Variants in ARHGAP39 observed in about 807,000 individuals in gnomAD.
ARHGAP39 encodes the protein Rho GTPase activating protein 39, also known as rho GTPase-activating protein 39.
ARHGAP39 carries 44 observed loss-of-function variants against 106.9 expected under a neutral mutation model. That is an observed-to-expected ratio of 0.41 (90% CI 0.32 to 0.53). ARHGAP39 has a LOEUF of 0.53. ARHGAP39 is among the 20% of genes least tolerant of loss of function. The pLI is 0.21. For missense variants in ARHGAP39, 1,496 were observed against 1,577.3 expected, an observed-to-expected ratio of 0.95 and a Z score of 0.87; for synonymous variants, 768 against 693.2, an observed-to-expected ratio of 1.11 and a Z score of -1.69.
At position 144,548,604 on chromosome 8, in the gene ARHGAP39, C is replaced by G. The variant is rs1817577246; in HGVS notation, c.597-115G>C. 1 of 1,364,846 alleles carries G rather than the reference C, an allele frequency of 7.3e-7. No homozygotes were observed. The highest frequency in any genetic ancestry group is 1.5e-5 in the South Asian group (1 of 67,762). The allele number at this position is 1,364,846 out of a possible 1,614,324, so 84.5% of individuals were successfully genotyped here. ...CGCGAACCCTCTGTTGTACACCTTC[C>G]TCGCTGGGGCCCTGTGGCCTGGCGC... On this transcript the variant is annotated intron_variant, in intron 4 of 11. Coordinates refer to ENST00000377307, the MANE Select transcript of ARHGAP39 (RefSeq NM_025251.3). This position sits in a 1 kb window ranked among gnomAD's most constrained non-coding sequence, Gnocchi z 7.4.
At position 144,530,581 on chromosome 8, in the gene ARHGAP39, C is replaced by T. The variant is rs1816641383; in HGVS notation, c.3186G>A (p.Lys1062=). 1.3e-6 allele frequency: 2 copies of T among 1,597,752 alleles called. No individual in the cohort carries two copies. The highest frequency in any genetic ancestry group is 1.7e-6 in the Non-Finnish European group (2 of 1,172,368). ...FVQPANVAVT[K]MDVSNLAMVM... ...CCATGGCCAGGTTGCTGACATCCAT[C>T]TTGGTGACCGCGACGTTGGCCGGCT... is the stretch of plus-strand genomic sequence containing the variant. Residue 1062 remains lysine, a synonymous_variant, in exon 12 of 12, where the codon AAG becomes AAA. Transcript: ENST00000377307.
rs34562243 is a variant in ARHGAP39 at position 144,545,881 on chromosome 8, AG to A, written c.1960-72del. 13,635 of 1,342,348 alleles carry A rather than the reference AG, an allele frequency of 0.01. 1,078 individuals carry two copies. In the African/African-American group the frequency reaches 0.18, roughly 17 times the overall value. 83.2% of individuals were successfully genotyped at this position (1,342,348 alleles called of 1,614,324 possible). On this transcript the variant is annotated intron_variant, in intron 5 of 11. Coordinates refer to ENST00000377307, the MANE Select transcript of ARHGAP39 (RefSeq NM_025251.3). ...CAGGCAGGTGGGCCCACTGGGCCAC[AG>A]TCCCCAGAAGTGTGAGCTGGGGCCC...
rs568838585 is a variant in ARHGAP39, at chr8:144,660,271, T to C, written c.-82+25415A>G. ...GGTCTCTCACAAATTCAAGACTGAA[T>C]TCCCTCTTGCTGGCCTCTGGTTAAA... On this transcript the variant is annotated intron_variant, in intron 1 of 11. Coordinates refer to ENST00000377307, the MANE Select transcript of ARHGAP39 (RefSeq NM_025251.3). 1.7e-4 allele frequency among the ~76,000 whole-genome samples: 26 copies of C among 152,296 alleles called. 1 individual carries two copies. The highest frequency in any genetic ancestry group is 6.3e-4 in the African/African-American group (26 of 41,548).
intron 9 of ARHGAP39, among the ~76,000 whole-genome samples, chr8:144,532,869 C>T (rs1344178568): frequency 6.6e-6 from 1 of 152,192 alleles, no homozygotes; most frequent in African/African-American, 2.4e-5. Flanking sequence ...CGCTCTGGAC[C>T]CCTGGTGGCC....
intron 1 of ARHGAP39, among the ~76,000 whole-genome samples, chr8:144,638,341 C>T (rs116587479): frequency 0.022 from 3,385 of 152,310 alleles, 111 homozygotes; most frequent in African/African-American, 0.074. Flanking sequence ...GGATTTCTTT[C>T]ATTTAACCTG....
In ARHGAP39 at chr8:144,567,785, AG is replaced by A. The variant is rs535717087; in HGVS notation, c.513-12143del. Among the ~76,000 whole-genome samples the A allele has an allele frequency of 1.1e-3, 163 of 152,342 alleles. 1 individual carries two copies. The highest frequency in any genetic ancestry group is 3.9e-3 in the African/African-American group (162 of 41,578). ...TCTCTCTCTGCCTCGGCTGCCAGGC[AG>A]GGAAGGGCCCCCTGGCCAGTGGACA... is the stretch of plus-strand genomic sequence containing the variant. On this transcript the variant is annotated intron_variant, in intron 3 of 11. Coordinates refer to ENST00000377307, the MANE Select transcript of ARHGAP39 (RefSeq NM_025251.3).
intron 3 of ARHGAP39, among the ~76,000 whole-genome samples, chr8:144,556,232 C>A (rs1330380355): frequency 6.7e-6 from 1 of 149,654 alleles, no homozygotes; most frequent in African/African-American, 2.5e-5. Context: ...GTGCAGTGAG[C>A]CGAGATGGCG....
chr8:144,562,947 A>G (rs1487188148), intron 3 of ARHGAP39, among the ~76,000 whole-genome samples: 1 of 152,276 alleles, frequency 6.6e-6, no homozygotes, highest in African/African-American at 2.4e-5. Flanking sequence ...TGGTACTGCT[A>G]TGTTTGAAGG....
the ARHGAP39 span, among the ~76,000 whole-genome samples, chr8:144,698,184 G>T: frequency 3.4e-4 from 52 of 152,190 alleles, no homozygotes; most frequent in Middle Eastern, 0.01. Flanking sequence ...TCCCCCAAAA[G>T]CTGGTTGTTT....
intron 3 of ARHGAP39, among the ~76,000 whole-genome samples, chr8:144,568,375 A>G (rs1316668108): frequency 1.4e-5 from 2 of 147,026 alleles, no homozygotes; most frequent in Non-Finnish European, 3.0e-5. Flanking sequence ...AGACTTTTTC[A>G]AAAACACAAA....
intron 2 of ARHGAP39, among the ~76,000 whole-genome samples, chr8:144,587,890 G>A (rs117238072): frequency 0.084 from 12,842 of 152,176 alleles, 622 homozygotes; most frequent in African/African-American, 0.1. Context: ...TGATCTGCCC[G>A]CTTTGGCCTC....
In ARHGAP39 at chr8:144,547,862, G is replaced by C. The variant is rs1281193971; in HGVS notation, c.1224C>G (p.Pro408=). The change falls in exon 5 of 12, where the codon CCC becomes CCG. Residue 408 remains proline, a synonymous_variant. Coordinates refer to ENST00000377307, the MANE Select transcript of ARHGAP39 (RefSeq NM_025251.3). This position sits in a 1 kb window ranked among gnomAD's most constrained non-coding sequence, Gnocchi z 5.2. ...TGTGCCGCGGGCCGGCGCGCAGCTT[G>C]GGGCTGGAGCCCGCCTGCTCCACGT... ...LVYVEQAGSS[P]KLRAGPRHKY... The C allele has an allele frequency of 1.9e-6, 3 of 1,586,424 alleles. No individual in the cohort carries two copies. Among genetic ancestry groups the C allele is most frequent in the Non-Finnish European group, 2.6e-6 (3 of 1,167,088 alleles).
At chr8:144,571,353 T>TCA (rs1432247751) in intron 3 of ARHGAP39, among the ~76,000 whole-genome samples, 1 of 151,982 alleles carries the variant, frequency 6.6e-6, no homozygotes, top group African/African-American at 2.4e-5. Context: ...ATGTAATCCA[T>TCA]CACATAAACA....
At chr8:144,687,357 C>T (rs531204722), upstream of ARHGAP39, among the ~76,000 whole-genome samples, 164 of 3,094 alleles carry the variant, frequency 0.053, 17 homozygotes, top group African/African-American at 0.095. Context: ...GCACTGGCGG[C>T]GAGCATTTCC....
chr8:144,659,418 C>G (rs1204002771), intron 1 of ARHGAP39, among the ~76,000 whole-genome samples: 1 of 152,276 alleles, frequency 6.6e-6, no homozygotes, highest in Non-Finnish European at 1.5e-5. Context: ...TTTTGACCTA[C>G]AAAAAACTAA....
Position 144,530,548 on chromosome 8 carries a change from C to T in ARHGAP39, c.3219G>A (p.Ala1073=), listed in dbSNP as rs1293421807. The stretch of plus-strand genomic sequence containing the variant: ...CGGACTGGCAGCGCAAGCAGTTGGG[C>T]GCCATCACCATGGCCAGGTTGCTGA... ...MDVSNLAMVM[A]PNCLRCQSDD... Residue 1073 remains alanine (A), a synonymous_variant, in exon 12 of 12, where the codon GCG becomes GCA. Coordinates refer to ENST00000377307, the MANE Select transcript of ARHGAP39 (RefSeq NM_025251.3). 8.1e-6 allele frequency: 13 copies of T among 1,611,696 alleles called. No individual in the cohort carries two copies. In the African/African-American group the frequency reaches 9.3e-5, roughly 12 times the overall value.
intron 1 of ARHGAP39, among the ~76,000 whole-genome samples, chr8:144,606,703 G>A (rs1158765555): frequency 1.3e-5 from 2 of 152,134 alleles, no homozygotes; most frequent in African/African-American, 4.8e-5. Flanking sequence ...CCTGGTGGGG[G>A]TCAGTGCCCC....
At chr8:144,569,980 G>A (rs1175182722) in intron 3 of ARHGAP39, among the ~76,000 whole-genome samples, 1 of 152,198 alleles carries the variant, frequency 6.6e-6, no homozygotes, top group East Asian at 1.9e-4. Flanking sequence ...CAGCACTTTG[G>A]GAAGCTGGGG....
At chr8:144,654,464 A>G (rs752495615) in intron 1 of ARHGAP39, among the ~76,000 whole-genome samples, 1 of 152,154 alleles carries the variant, frequency 6.6e-6, no homozygotes, top group Non-Finnish European at 1.5e-5. Context: ...TGATCACACT[A>G]CTGCATTCCA....
Sources: gnomAD v4.1 joint callset for allele counts (sites outside exome capture counted in the v4.1 genomes callset) on GRCh38, gnomAD v4.1.1 for gene constraint, Gnocchi (gnomAD v3.1) non-coding constraint, MANE v1.5 for transcripts, NCBI Gene and HGNC (gene_info 2026-07-23, HGNC 2026-07-21) for gene names.